Variants in EPB42 observed in about 807,000 individuals in gnomAD.
EPB42 encodes the protein erythrocyte membrane protein band 4.2.
A neutral mutation model predicts 76.9 loss-of-function variants in EPB42; 49 were observed. The observed-to-expected ratio is 0.64, with a 90% CI of 0.51 to 0.81. EPB42 has a LOEUF of 0.81. Among genes scored for constraint, EPB42 ranks in the 30% least tolerant of loss-of-function variants. The pLI, the probability that EPB42 is intolerant of heterozygous loss-of-function variation, is 0.00. For missense variants in EPB42, 731 were observed against 867.6 expected (o/e 0.84, Z 1.98); for synonymous variants, 310 against 338.4 (o/e 0.92, Z 0.92).
At chr15:43,205,265 G>C (rs1287590379) in intron 10 of EPB42, among the ~76,000 whole-genome samples, 1 of 152,154 alleles carries the variant, frequency 6.6e-6, no homozygotes, top group Non-Finnish European at 1.5e-5. Flanking sequence ...GTGATACAGA[G>C]ACTGGAGGTG....
At chr15:43,220,769 G>A in intron 1 of EPB42, 47 bp downstream of exon 1, 3 of 1,613,338 alleles carry the variant, frequency 1.9e-6, no homozygotes, top group South Asian at 2.2e-5. Context: ...ATGCTGCGGG[G>A]GCTGCATACA....
In EPB42 at chr15:43,206,124, G is replaced by A. The variant is rs2042199754; in HGVS notation, c.1618+206C>T. 1 of 567,960 alleles carries A rather than the reference G, an allele frequency of 1.8e-6. No individual in the cohort carries two copies. Among genetic ancestry groups the A allele is most frequent in the Non-Finnish European group, 3.1e-6 (1 of 325,300 alleles). The allele number at this position is 567,960 out of a possible 1,614,324, so 35.2% of individuals were successfully genotyped here. A position where few individuals can be genotyped will look rare whatever the true frequency, so the allele number is the denominator to read the frequency against. ...GAAGGGTCTGTTTACTTATCTGACT[G>A]CAGTTGGCATCGTGTTTTTTTCCTG... On this transcript the variant is annotated intron_variant, in intron 10 of 12. Transcript: ENST00000441366. This position sits in a 1 kb window ranked among gnomAD's most constrained non-coding sequence, Gnocchi z 4.7.
chr15:43,207,107 G>A (rs1361847270), intron 9 of EPB42, 92 bp downstream of exon 9: 20 of 1,572,558 alleles, frequency 1.3e-5, no homozygotes, highest in Non-Finnish European at 1.6e-5. Context: ...GAAAGGACAA[G>A]TCTCTTTCTG....
intron 12 of EPB42, among the ~76,000 whole-genome samples, chr15:43,199,782 G>T (rs1266519171): frequency 6.6e-6 from 1 of 152,106 alleles, no homozygotes; most frequent in Non-Finnish European, 1.5e-5. Flanking sequence ...TTGAATTATG[G>T]GAGCTGGTCT....
chr15:43,219,809 G>C (rs1453318331), intron 1 of EPB42, among the ~76,000 whole-genome samples: 1 of 152,086 alleles, frequency 6.6e-6, no homozygotes, highest in Non-Finnish European at 1.5e-5. Context: ...AGCCGGGCAT[G>C]GTGGTGGGTG....
At chr15:43,213,769 T>C (rs1241954977) in intron 3 of EPB42, among the ~76,000 whole-genome samples, 1 of 152,188 alleles carries the variant, frequency 6.6e-6, no homozygotes, top group Non-Finnish European at 1.5e-5. Flanking sequence ...CCTGGATGAA[T>C]ACTAGCTCCC....
chr15:43,203,313 G>GTA (rs1567272427), intron 10 of EPB42, 38 bp from the exon 11 acceptor site: 1 of 1,613,468 alleles, frequency 6.2e-7, no homozygotes, highest in South Asian at 1.1e-5. Flanking sequence ...GGCAACAGGT[G>GTA]TATGTACCCC....
At chr15:43,223,991 AAATT>A (rs1375184824), upstream of EPB42, among the ~76,000 whole-genome samples, 3 of 152,006 alleles carry the variant, frequency 2.0e-5, no homozygotes, top group African/African-American at 7.3e-5. Context: ...AGAAATAAAT[AAATT>A]AATTAATAAA....
At chr15:43,213,661 G>A (rs1031683757) in intron 3 of EPB42, among the ~76,000 whole-genome samples, 5 of 152,204 alleles carry the variant, frequency 3.3e-5, no homozygotes, top group Non-Finnish European at 4.4e-5. Context: ...CCTCAGCTTC[G>A]GAGGGAAGCA....
Position 43,216,327 on chromosome 15 carries a change from C to A in EPB42, c.137G>T (p.Arg46Leu), listed in dbSNP as rs202154600. The A allele has an allele frequency of 2.5e-6, 4 of 1,614,126 alleles. No homozygotes were observed. In the East Asian group the frequency reaches 8.9e-5, roughly 36 times the overall value. The change falls in exon 2 of 13, where the codon CGC becomes CTC. Residue 46 changes from arginine to leucine, a missense_variant. Coordinates refer to ENST00000441366, the MANE Select transcript of EPB42 (RefSeq NM_001114134.2). ...GQPFTIILYF[R>L]APVRAFLPAL... ...AGGCAGAAATGCACGGACTGGAGCG[C>A]GGAAGTACAGGATGATGGTGAAGGG...
intron 10 of EPB42, chr15:43,205,922 C>T (rs59401274): frequency 0.059 from 10,246 of 174,280 alleles, 1,109 homozygotes; most frequent in African/African-American, 0.22. Flanking sequence ...CCTTTGCACA[C>T]GTTGCTCCTT....
intron 5 of EPB42, 148 bp from the exon 6 acceptor site, chr15:43,209,599 G>T: frequency 1.2e-6 from 1 of 866,940 alleles, no homozygotes; most frequent in Non-Finnish European, 1.8e-6. Context: ...AAACCTGCAT[G>T]CTTCTGGGCT....
In EPB42 at chr15:43,197,258, T is replaced by C. The variant is rs756718156; in HGVS notation, c.*44A>G. ...TTCCTAGCACATGTTTGGTTTAGAT[T>C]GTAGAACAAGGGTTGGCAGGAGAGT... On this transcript the variant is annotated 3_prime_UTR_variant, in exon 13 of 13. Coordinates refer to ENST00000441366, the MANE Select transcript of EPB42 (RefSeq NM_001114134.2). The C allele has an allele frequency of 1.9e-6, 3 of 1,613,514 alleles. No individual in the cohort carries two copies. Among genetic ancestry groups the C allele is most frequent in the Non-Finnish European group, 2.5e-6 (3 of 1,179,576 alleles).
chr15:43,210,413 G>A lies in EPB42; in HGVS notation c.576C>T (p.Ser192=), dbSNP rs1874997524. The change falls in exon 5 of 13, where the codon AGC becomes AGT. Residue 192 remains serine, a synonymous_variant. Transcript: ENST00000441366. ...GQFEGDVIDL[S]LRLLSKDKQV... ...GCTTGTCCTTGCTCAGCAAGCGCAGGCTGAGGTCAATGACATCCCCCTCGA... is the reference window on the plus strand; with the variant it reads ...GCTTGTCCTTGCTCAGCAAGCGCAGACTGAGGTCAATGACATCCCCCTCGA... 3 of 1,613,732 alleles carry A rather than the reference G, an allele frequency of 1.9e-6. No homozygotes were observed. The highest frequency in any genetic ancestry group is 1.3e-5 in the African/African-American group (1 of 74,912).
chr15:43,203,925 G>C (rs1341580742), intron 10 of EPB42, among the ~76,000 whole-genome samples: 1 of 152,194 alleles, frequency 6.6e-6, no homozygotes, highest in Non-Finnish European at 1.5e-5. Context: ...CAAATAGTAA[G>C]TGCCTGATAA....
chr15:43,210,186 G>T, intron 5 of EPB42, 149 bp downstream of exon 5: 1 of 755,534 alleles, frequency 1.3e-6, no homozygotes, highest in Non-Finnish European at 2.4e-6. Context: ...TGTCCTCCTC[G>T]GACGCTTCTG....
chr15:43,216,216 C>G, intron 2 of EPB42, 52 bp downstream of exon 2: 1 of 1,606,148 alleles, frequency 6.2e-7, no homozygotes, highest in African/African-American at 1.3e-5. Context: ...CTGGAGAGAA[C>G]AGAGAACCCC....
intron 8 of EPB42, 38 bp downstream of exon 8, chr15:43,208,192 C>T: frequency 1.3e-6 from 2 of 1,580,604 alleles, no homozygotes; most frequent in Non-Finnish European, 1.7e-6. Flanking sequence ...CAGCTCTGTG[C>T]AGCCCTGCGT....
In EPB42 at chr15:43,215,175, T is replaced by C; in HGVS notation, c.350A>G (p.Tyr117Cys). Residue 117 changes from tyrosine to cysteine, a missense_variant, in exon 3 of 13, where the codon TAC becomes TGC. By Grantham distance (194) the Tyr-to-Cys change is radical. Coordinates refer to ENST00000441366, the MANE Select transcript of EPB42 (RefSeq NM_001114134.2). The part of the protein sequence containing the change: ...TTPADAVIGH[Y>C]SLLLQVSGRK... ...GCCTGAGACCTGCAGCAGAAGCGAG[T>C]AGTGGCCAATGACAGCGTCCGCAGG... 1 of 1,613,998 alleles carries C rather than the reference T, an allele frequency of 6.2e-7. No homozygotes were observed. The highest frequency in any genetic ancestry group is 1.1e-5 in the South Asian group (1 of 91,074).
Sources: gnomAD v4.1 joint callset for allele counts (sites outside exome capture counted in the v4.1 genomes callset) on GRCh38, gnomAD v4.1.1 for gene constraint, Gnocchi (gnomAD v3.1) non-coding constraint, MANE v1.5 for transcripts, NCBI Gene and HGNC (gene_info 2026-07-23, HGNC 2026-07-21) for gene names.